Variants in PPM1A observed in about 807,000 individuals in gnomAD.
PPM1A encodes the protein protein phosphatase 1A.
A neutral mutation model predicts 35.0 loss-of-function variants in PPM1A; 7 were observed. The observed-to-expected ratio is 0.20, with a 90% confidence interval of 0.11 to 0.38. The LOEUF is 0.38. PPM1A is among the 10% of genes least tolerant of loss of function. PPM1A has a pLI of 1.00. For missense variants in PPM1A, 239 were observed against 467.8 expected (o/e 0.51, Z 4.51); for synonymous variants, 153 against 167.3 (o/e 0.91, Z 0.66).
intron 3 of PPM1A, 98 bp downstream of exon 3, chr14:60,285,839 G>T: frequency 6.6e-7 from 1 of 1,520,228 alleles, no homozygotes; most frequent in Non-Finnish European, 8.8e-7. Context: ...ATGTGTCTTT[G>T]ACAGCTAGTG....
intron 1 of PPM1A, among the ~76,000 whole-genome samples, chr14:60,253,152 A>G (rs1029789986): frequency 2.6e-5 from 4 of 152,098 alleles, no homozygotes; most frequent in Admixed American, 6.5e-5. Context: ...GAGTTTTTAT[A>G]ATTCTTAATA....
upstream of PPM1A, chr14:60,248,609 T>C (rs1464495200): frequency 6.6e-6 from 1 of 150,930 alleles, no homozygotes; most frequent in Non-Finnish European, 1.5e-5. Context: ...GACTCTGGGG[T>C]AGGGGGGTCT....
chr14:60,255,570 G>A (rs1023949396), intron 1 of PPM1A, among the ~76,000 whole-genome samples: 4 of 152,158 alleles, frequency 2.6e-5, no homozygotes, highest in African/African-American at 9.7e-5. Context: ...AAAGGCTAGC[G>A]GCTAGCACAG....
intron 2 of PPM1A, among the ~76,000 whole-genome samples, chr14:60,284,693 A>G (rs1364812367): frequency 8.1e-5 from 10 of 122,958 alleles, no homozygotes; most frequent in Admixed American, 4.5e-4. Flanking sequence ...GTATATATAT[A>G]TATATGTGTG....
At chr14:60,248,580 G>T (rs1014660420), upstream of PPM1A, 2 of 152,404 alleles carry the variant, frequency 1.3e-5, no homozygotes, top group Non-Finnish European at 2.9e-5. Context: ...ACTGGGAGAG[G>T]AAGGCTCTGG....
chr14:60,288,755 A>C (rs1021430378), intron 3 of PPM1A, among the ~76,000 whole-genome samples: 2 of 152,088 alleles, frequency 1.3e-5, no homozygotes, highest in African/African-American at 4.8e-5. Flanking sequence ...TTTCAAAGGT[A>C]TTTACAAATT....
chr14:60,294,391 C>G lies in PPM1A; in HGVS notation c.*1909C>G, dbSNP rs891376614. On this transcript the variant is annotated 3_prime_UTR_variant, in exon 6 of 6. Transcript: ENST00000395076. ...AATTACAGAACCAATTCCATACTTA[C>G]AATAAATACTTAATGTCTAAATCTG... 3 of 151,798 alleles carry G rather than the reference C, an allele frequency of 2.0e-5. No homozygotes were observed. Among genetic ancestry groups the G allele is most frequent in the Admixed American group, 2.0e-4 (3 of 15,222 alleles). The allele number at this position is 151,798 out of a possible 1,614,324, so 9.4% of individuals were successfully genotyped here.
At chr14:60,285,880 C>G (rs1886955281) in intron 3 of PPM1A, 139 bp downstream of exon 3, 11 of 1,432,472 alleles carry the variant, frequency 7.7e-6, no homozygotes, top group Non-Finnish European at 1.0e-5. Context: ...AAGGACATTT[C>G]TGTAGTAGCT....
chr14:60,298,343 T>G lies in PPM1A; in HGVS notation c.*5861T>G, dbSNP rs1349350494. 1 of 151,784 alleles carries G rather than the reference T, an allele frequency of 6.6e-6. No individual in the cohort carries two copies. The highest frequency in any genetic ancestry group is 1.5e-5 in the Non-Finnish European group (1 of 67,736). 9.4% of individuals were successfully genotyped at this position (151,784 alleles called of 1,614,324 possible). A position where few individuals can be genotyped will look rare whatever the true frequency, so the allele number is the denominator to read the frequency against. The stretch of plus-strand genomic sequence containing the variant: ...GGATTCATTAAATGTTCAATTCATT[T>G]CATATTCTAAGGAATTAGGTTATTT... On this transcript the variant is annotated 3_prime_UTR_variant, in exon 6 of 6. Transcript: ENST00000395076.
intron 1 of PPM1A, among the ~76,000 whole-genome samples, chr14:60,271,409 G>C (rs756026615): frequency 1.3e-5 from 2 of 152,124 alleles, no homozygotes; most frequent in Non-Finnish European, 2.9e-5. Context: ...CAGCCTACTA[G>C]GTATCATTTT....
intron 1 of PPM1A, among the ~76,000 whole-genome samples, chr14:60,255,422 C>T (rs577694546): frequency 3.3e-5 from 5 of 152,054 alleles, no homozygotes; most frequent in East Asian, 1.9e-4. Context: ...CCGCCCGCCT[C>T]GGCCTCCCAA....
chr14:60,281,889 G>C (rs1447705775), intron 1 of PPM1A, among the ~76,000 whole-genome samples: 1 of 151,670 alleles, frequency 6.6e-6, no homozygotes, highest in Admixed American at 6.5e-5. Flanking sequence ...ATTACTATAT[G>C]ATTAATAGAT....
intron 1 of PPM1A, among the ~76,000 whole-genome samples, chr14:60,278,042 CT>C (rs1053457640): frequency 1.5e-3 from 228 of 152,296 alleles, no homozygotes; most frequent in African/African-American, 5.0e-3. Flanking sequence ...GGGTACCTAT[CT>C]TTTAGGATTG....
At chr14:60,250,315 C>T (rs1032527351) in intron 1 of PPM1A, 2 of 475,978 alleles carry the variant, frequency 4.2e-6, no homozygotes, top group Admixed American at 6.4e-5. Context: ...CTTTTAACTA[C>T]GTAAATCGGG....
chr14:60,248,155 C>A (rs1258700134), upstream of PPM1A, among the ~76,000 whole-genome samples: 2 of 152,296 alleles, frequency 1.3e-5, no homozygotes, highest in African/African-American at 2.4e-5. Flanking sequence ...GTCATTCTAT[C>A]CCCGGCGTCT....
intron 1 of PPM1A, among the ~76,000 whole-genome samples, chr14:60,272,341 G>A (rs934095206): frequency 2.0e-5 from 3 of 151,572 alleles, no homozygotes; most frequent in African/African-American, 4.9e-5. Flanking sequence ...GATGGTATGA[G>A]TGTATACTTT....
intron 1 of PPM1A, among the ~76,000 whole-genome samples, chr14:60,259,694 T>A (rs1354735238): frequency 1.3e-5 from 2 of 152,092 alleles, no homozygotes; most frequent in African/African-American, 4.8e-5. Context: ...GCTAAAAGAT[T>A]ATTAGAAAAC....
intron 2 of PPM1A, among the ~76,000 whole-genome samples, chr14:60,284,669 A>T (rs1362795849): frequency 6.8e-6 from 1 of 146,310 alleles, no homozygotes; most frequent in East Asian, 1.9e-4. Context: ...CTGTTGAGGA[A>T]TTAATGAGCG....
chr14:60,292,649 ATTT>A lies in PPM1A; in HGVS notation c.*182_*184del, dbSNP rs201235752. ...CAGTACAACAGCTAGCCCAGAACTG[ATTT>A]TTTTTTTTTTTTTTGTAAATTTGAG... On this transcript the variant is annotated 3_prime_UTR_variant, in exon 6 of 6. Transcript: ENST00000395076. This position sits in a 1 kb window ranked among gnomAD's most constrained non-coding sequence, Gnocchi z 4.2. The A allele has an allele frequency of 5.4e-4, 186 of 343,960 alleles. No homozygotes were observed. The highest frequency in any genetic ancestry group is 7.1e-4 in the Middle Eastern group (1 of 1,404). The allele number at this position is 343,960 out of a possible 1,614,324, so 21.3% of individuals were successfully genotyped here. A position where few individuals can be genotyped will look rare whatever the true frequency, so the allele number is the denominator to read the frequency against.
Sources: allele counts gnomAD v4.1 joint callset (sites outside exome capture counted in the v4.1 genomes callset), GRCh38; gene constraint gnomAD v4.1.1; non-coding constraint Gnocchi (gnomAD v3.1); transcripts MANE v1.5; gene names NCBI Gene and HGNC (gene_info 2026-07-23, HGNC 2026-07-21).